Variants in GYPB observed in about 807,000 individuals in gnomAD.
The protein encoded by GYPB is glycophorin B (MNS blood group), also known as glycophorin-B.
A neutral mutation model predicts 15.3 loss-of-function variants in GYPB; 13 were observed. The ratio of observed to expected loss-of-function variants is 0.85; its 90% confidence interval spans 0.55 to 1.35. The LOEUF is 1.35. Among genes scored for constraint, GYPB ranks in the 40% most tolerant of loss-of-function variants. GYPB has a pLI of 0.00. For synonymous variants in GYPB, 38 were observed against 36.9 expected (o/e 1.03, Z -0.11); for missense variants, 131 against 108.3 (o/e 1.21, Z -0.93).
rs182622828 is a variant in GYPB, at chr4:144,002,602, G to A, written c.38-1319C>T. The A allele has an allele frequency of 2.2e-4, 286 of 1,287,082 alleles. 12 individuals are homozygous for A. The African/African-American group carries it at 4.1e-3, about 18-fold the overall frequency. 79.7% of individuals were successfully genotyped at this position (1,287,082 alleles called of 1,614,324 possible). A position where few individuals can be genotyped will look rare whatever the true frequency, so the allele number is the denominator to read the frequency against. ...TCATCTCTTGGAGACATTCAAATGA[G>A]GGGAATGGCACCCAAGTGCAGTGGA... On this transcript the variant is annotated intron_variant, in intron 1 of 4. Transcript: ENST00000502664.
chr4:144,014,653 A>G (rs1728398321), intron 1 of GYPB, among the ~76,000 whole-genome samples: 1 of 151,412 alleles, frequency 6.6e-6, no homozygotes, highest in African/African-American at 2.5e-5. Flanking sequence ...GCTACTGGGT[A>G]AGAGGGTTCC....
At chr4:144,017,298 A>T (rs1382945367) in intron 1 of GYPB, among the ~76,000 whole-genome samples, 1 of 149,680 alleles carries the variant, frequency 6.7e-6, no homozygotes, top group Non-Finnish European at 1.5e-5. Context: ...TATTCTTAAG[A>T]TTCCTGGAGA....
intron 1 of GYPB, among the ~76,000 whole-genome samples, chr4:144,015,262 A>C (rs1395724090): frequency 6.6e-6 from 1 of 151,438 alleles, no homozygotes; most frequent in East Asian, 1.9e-4. Flanking sequence ...CAACACTCAG[A>C]GATAAGCCCG....
At chr4:144,012,737 A>T (rs1444995895) in intron 1 of GYPB, 1 of 151,566 alleles carries the variant, frequency 6.6e-6, no homozygotes, top group African/African-American at 2.4e-5. Flanking sequence ...TCTCTTCAAC[A>T]AATGGTGCTG....
At chr4:144,018,260 C>A (rs1010487736) in intron 1 of GYPB, among the ~76,000 whole-genome samples, 1 of 151,262 alleles carries the variant, frequency 6.6e-6, no homozygotes, top group Non-Finnish European at 1.5e-5. Flanking sequence ...TAATGTTCCC[C>A]AGCCTTGAGA....
intron 1 of GYPB, among the ~76,000 whole-genome samples, chr4:144,005,223 G>C (rs1332207254): frequency 6.6e-6 from 1 of 151,954 alleles, no homozygotes; most frequent in African/African-American, 2.4e-5. Context: ...AAAATTAAAT[G>C]ACTAGCTCAG....
chr4:144,012,636 A>C (rs1728274679), intron 1 of GYPB: 1 of 151,592 alleles, frequency 6.6e-6, no homozygotes, highest in South Asian at 2.1e-4. Context: ...TATTCTTCGG[A>C]TAGAATTGAG....
At chr4:144,013,506 C>A (rs906513301) in intron 1 of GYPB, among the ~76,000 whole-genome samples, 1 of 151,316 alleles carries the variant, frequency 6.6e-6, no homozygotes, top group Non-Finnish European at 1.5e-5. Flanking sequence ...ATAGCAGAGA[C>A]TTGGAACCAA....
Position 143,996,192 on chromosome 4 carries a change from G to T in GYPB, c.*107C>A, listed in dbSNP as rs1021420209. The T allele has an allele frequency of 2.3e-5, 36 of 1,543,824 alleles. 1 individual carries two copies. In the African/African-American group the frequency reaches 4.3e-4, roughly 19 times the overall value. On this transcript the variant is annotated 3_prime_UTR_variant, in exon 5 of 5. Coordinates refer to ENST00000502664, the MANE Select transcript of GYPB (RefSeq NM_002100.6). The stretch of plus-strand genomic sequence containing the variant: ...GAACAGGGAATTAGGATAGCCAGGG[G>T]TAGGGGCATAAGCAAAGGAATAGCA...
At chr4:144,008,902 G>A (rs1451833830) in intron 1 of GYPB, among the ~76,000 whole-genome samples, 2 of 151,380 alleles carry the variant, frequency 1.3e-5, no homozygotes, top group East Asian at 3.8e-4. Context: ...TGGTAATATA[G>A]ATTAATATAT....
chr4:144,011,850 G>A (rs983145336), intron 1 of GYPB, among the ~76,000 whole-genome samples: 10 of 151,354 alleles, frequency 6.6e-5, no homozygotes, highest in Non-Finnish European at 1.3e-4. Context: ...AATAGTTCAG[G>A]AAAGGTAGCA....
chr4:143,997,854 A>AC (rs1727408211), intron 3 of GYPB, among the ~76,000 whole-genome samples: 1 of 151,408 alleles, frequency 6.6e-6, no homozygotes, highest in Admixed American at 6.6e-5. Flanking sequence ...CCAAGGTCGC[A>AC]AAATAGTTGA....
At chr4:143,997,852 G>A (rs1017065931) in intron 3 of GYPB, among the ~76,000 whole-genome samples, 1 of 151,228 alleles carries the variant, frequency 6.6e-6, no homozygotes, top group Non-Finnish European at 1.5e-5. Context: ...GTCCAAGGTC[G>A]CAAAATAGTT....
chr4:144,018,647 A>G (rs1440041132), intron 1 of GYPB, among the ~76,000 whole-genome samples: 2 of 151,488 alleles, frequency 1.3e-5, no homozygotes, highest in East Asian at 3.8e-4. Context: ...AATACAATTT[A>G]ATAATGACCC....
In GYPB at chr4:144,018,479, C is replaced by A. The variant is rs141020425; in HGVS notation, c.37+772G>T. Among the ~76,000 whole-genome samples, 92 of 151,320 alleles carry A rather than the reference C, an allele frequency of 6.1e-4. No homozygotes were observed. The East Asian group carries it at 0.013, about 22-fold the overall frequency. On this transcript the variant is annotated intron_variant, in intron 1 of 4. Transcript: ENST00000502664. The stretch of plus-strand genomic sequence containing the variant: ...TCAGAATGTTTCAAGCAACTGCCTG[C>A]CCCCTGTGTGCTGGGCACTAGTATT...
chr4:144,008,160 G>A (rs572489505), intron 1 of GYPB, among the ~76,000 whole-genome samples: 1 of 151,580 alleles, frequency 6.6e-6, no homozygotes, highest in African/African-American at 2.4e-5. Context: ...ACTTGCTTAA[G>A]TTCACACAGC....
chr4:143,998,482 A>C (rs1727439527), intron 3 of GYPB, among the ~76,000 whole-genome samples: 1 of 149,902 alleles, frequency 6.7e-6, no homozygotes. Context: ...ACTTAGCTTG[A>C]ATGTATGCGA....
intron 1 of GYPB, among the ~76,000 whole-genome samples, chr4:144,013,559 C>G (rs1435563147): frequency 2.6e-5 from 4 of 151,134 alleles, no homozygotes; most frequent in African/African-American, 9.9e-5. Flanking sequence ...GAAAATGTGG[C>G]ACATTTACAC....
intron 4 of GYPB, among the ~76,000 whole-genome samples, chr4:143,997,028 C>A (rs2149954326): frequency 6.6e-6 from 1 of 150,918 alleles, no homozygotes; most frequent in South Asian, 2.1e-4. Flanking sequence ...CACTTCAGCC[C>A]CCTGAATAGC....
Sources: allele counts gnomAD v4.1 joint callset (sites outside exome capture counted in the v4.1 genomes callset), GRCh38; gene constraint gnomAD v4.1.1; transcripts MANE v1.5; gene names NCBI Gene and HGNC (gene_info 2026-07-23, HGNC 2026-07-21).